Variants in TIAM2 observed in about 807,000 individuals in gnomAD.
TIAM2 encodes the protein rho guanine nucleotide exchange factor TIAM2.
In TIAM2, 80 loss-of-function variants were observed where a neutral mutation model predicts 152.9. That is an observed-to-expected ratio of 0.52 (90% CI 0.44 to 0.63). TIAM2 has a LOEUF of 0.63. Among genes scored for constraint, TIAM2 ranks in the 30% least tolerant of loss-of-function variants. The pLI, the probability that TIAM2 is intolerant of heterozygous loss-of-function variation, is 0.00. For synonymous variants in TIAM2, 804 were observed against 838.0 expected (o/e 0.96, Z 0.70); for missense variants, 1,965 against 2,120.1 (o/e 0.93, Z 1.44).
intron 14 of TIAM2, among the ~76,000 whole-genome samples, chr6:155,195,275 GA>G (rs1781313243): frequency 6.6e-6 from 1 of 152,198 alleles, no homozygotes; most frequent in South Asian, 2.1e-4. Context: ...GGTGGAAAAT[GA>G]ACTTCTATAC....
chr6:155,193,900 ATGT>A (rs1272766150), intron 14 of TIAM2, among the ~76,000 whole-genome samples: 1 of 152,252 alleles, frequency 6.6e-6, no homozygotes, highest in African/African-American at 2.4e-5. Context: ...ATCAGTGCAC[ATGT>A]CCTCAGAGAG....
At chr6:155,085,388 TC>T (rs1778152998) in intron 1 of TIAM2, among the ~76,000 whole-genome samples, 1 of 152,144 alleles carries the variant, frequency 6.6e-6, no homozygotes, top group Non-Finnish European at 1.5e-5. Context: ...TCTCTTTCCT[TC>T]CCCACCTTTT....
intron 2 of TIAM2, among the ~76,000 whole-genome samples, chr6:155,091,307 C>T (rs1162860716): frequency 6.6e-6 from 1 of 152,204 alleles, no homozygotes; most frequent in Non-Finnish European, 1.5e-5. Flanking sequence ...CTGTCTCCGC[C>T]TTCCTTAGAG....
At chr6:155,160,509 A>G (rs1230069489) in intron 7 of TIAM2, among the ~76,000 whole-genome samples, 6 of 152,234 alleles carry the variant, frequency 3.9e-5, no homozygotes, top group Non-Finnish European at 7.3e-5. Flanking sequence ...GGCCCAATCA[A>G]GTTGGTACAT....
chr6:155,008,327 TCTTATGTATATA>T (rs1446607217), intron 1 of TIAM2, among the ~76,000 whole-genome samples: 1 of 152,190 alleles, frequency 6.6e-6, no homozygotes, highest in Non-Finnish European at 1.5e-5. Flanking sequence ...GGATAGTGCC[TCTTATGTATATA>T]TTACGCAGAA....
At position 155,254,548 on chromosome 6, in the gene TIAM2, C is replaced by T. The variant is rs114842836; in HGVS notation, c.4443C>T (p.Asn1481=). The T allele has an allele frequency of 2.0e-4, 317 of 1,612,980 alleles. No individual in the cohort carries two copies. Among genetic ancestry groups the T allele is most frequent in the Non-Finnish European group, 2.6e-4 (302 of 1,178,974 alleles). ...AGGATCGCCTGGTACCTCTTAAGAACCGAGTTCCTGTTTCGGCCAAATTAG... is the reference window on the plus strand; with the variant it reads ...AGGATCGCCTGGTACCTCTTAAGAATCGAGTTCCTGTTTCGGCCAAATTAG... ...TCKDRLVPLK[N]RVPVSAKLAS... is the part of the protein sequence containing the mutation. Residue 1481 remains asparagine (N), a synonymous_variant, in exon 26 of 27, where the codon AAC becomes AAT. Coordinates refer to ENST00000682666, the MANE Select transcript of TIAM2 (RefSeq NM_012454.4).
intron 1 of TIAM2, among the ~76,000 whole-genome samples, chr6:155,012,685 G>A (rs1471560745): frequency 1.3e-5 from 2 of 152,124 alleles, no homozygotes; most frequent in Non-Finnish European, 2.9e-5. Flanking sequence ...CGAGTAGCTG[G>A]GACTACAGGC....
intron 19 of TIAM2, among the ~76,000 whole-genome samples, chr6:155,246,749 A>G (rs11756255): frequency 0.48 from 72,794 of 151,788 alleles, 18,127 homozygotes; most frequent in African/African-American, 0.59. Flanking sequence ...GGCTTGCTCC[A>G]TTCCTCCTTT....
At chr6:155,087,090 A>C (rs1182772034) in intron 1 of TIAM2, among the ~76,000 whole-genome samples, 1 of 152,210 alleles carries the variant, frequency 6.6e-6, no homozygotes, top group African/African-American at 2.4e-5. Flanking sequence ...GTATGATGGT[A>C]GGTGATCAGA....
In TIAM2 at chr6:155,094,234, G is replaced by A. The variant is rs74650286; in HGVS notation, c.-118+3855G>A. Among the ~76,000 whole-genome samples, 651 of 151,120 alleles carry A rather than the reference G, an allele frequency of 4.3e-3. 6 individuals carry two copies. Among genetic ancestry groups the A allele is most frequent in the African/African-American group, 0.015 (629 of 41,074 alleles). On this transcript the variant is annotated intron_variant, in intron 2 of 26. Transcript: ENST00000682666. ...TGGTGGCCTTTTGGTTGGGTCATGC[G>A]TCAGCTGGTTTGCCACAGTCCCCAC...
chr6:155,208,575 G>C (rs1406178531), intron 14 of TIAM2, among the ~76,000 whole-genome samples: 10 of 152,078 alleles, frequency 6.6e-5, no homozygotes, highest in African/African-American at 2.4e-4. Context: ...ACTCAGCATT[G>C]CAGAAGCTAA....
At position 155,156,704 on chromosome 6, in the gene TIAM2, TC is replaced by T. The variant is rs1780125847; in HGVS notation, c.2029-7709del. ...GTAAAAAAATAAAAAGCACATGTGA[TC>T]CTGTGATTGCCAGATAAAGTCCCTG... is the stretch of plus-strand genomic sequence containing the variant. On this transcript the variant is annotated intron_variant, in intron 7 of 26. Transcript: ENST00000682666. This position sits in a 1 kb window ranked among gnomAD's most constrained non-coding sequence, Gnocchi z 4.4. Among the ~76,000 whole-genome samples the T allele has an allele frequency of 6.6e-6, 1 of 152,064 alleles. No homozygotes were observed. Among genetic ancestry groups the T allele is most frequent in the African/African-American group, 2.4e-5 (1 of 41,392 alleles).
At chr6:155,102,388 A>G (rs140236253) in intron 2 of TIAM2, among the ~76,000 whole-genome samples, 4 of 152,140 alleles carry the variant, frequency 2.6e-5, no homozygotes, top group Admixed American at 2.6e-4. Context: ...ATGATTGTCA[A>G]CCCCACTTTA....
chr6:155,252,522 T>C (rs1783727200), intron 23 of TIAM2, among the ~76,000 whole-genome samples: 1 of 152,208 alleles, frequency 6.6e-6, no homozygotes, highest in Admixed American at 6.5e-5. Context: ...GGGGCCTACA[T>C]AGAACATCGA....
intron 7 of TIAM2, among the ~76,000 whole-genome samples, chr6:155,158,940 A>G (rs908349747): frequency 1.3e-5 from 2 of 152,142 alleles, no homozygotes; most frequent in African/African-American, 4.8e-5. Context: ...TTAGAAAAAA[A>G]TATCTCCAGA....
intron 2 of TIAM2, among the ~76,000 whole-genome samples, chr6:155,095,619 C>T (rs1778402862): frequency 6.6e-6 from 1 of 152,146 alleles, no homozygotes; most frequent in African/African-American, 2.4e-5. Context: ...TGAGAGTGGC[C>T]CCATCTGTCA....
At chr6:155,217,126 G>A in intron 15 of TIAM2, 5 of 1,288,880 alleles carry the variant, frequency 3.9e-6, no homozygotes, top group Non-Finnish European at 5.1e-6. Flanking sequence ...CATGGGTAAA[G>A]ATTTTGATCC....
chr6:154,997,703 T>C (rs1431926965), intron 1 of TIAM2, among the ~76,000 whole-genome samples: 3 of 143,092 alleles, frequency 2.1e-5, no homozygotes, highest in Admixed American at 1.5e-4. Context: ...TGCAGTGATA[T>C]GATCTCAGCT....
intron 15 of TIAM2, among the ~76,000 whole-genome samples, chr6:155,223,586 C>T (rs981559678): frequency 3.3e-5 from 5 of 150,128 alleles, no homozygotes; most frequent in African/African-American, 7.4e-5. Flanking sequence ...TGTTAAACAC[C>T]AATCGCAGCA....
Sources: allele counts gnomAD v4.1 joint callset (sites outside exome capture counted in the v4.1 genomes callset), GRCh38; gene constraint gnomAD v4.1.1; non-coding constraint Gnocchi (gnomAD v3.1); transcripts MANE v1.5; gene names NCBI Gene and HGNC (gene_info 2026-07-23, HGNC 2026-07-21).